The following ALK variants were observed in gnomAD, a reference collection of about 807,000 sequenced individuals.
ALK encodes ALK tyrosine kinase receptor.
Under a neutral mutation model 163.1 loss-of-function variants are expected in ALK, and 74 were observed. The ratio of observed to expected loss-of-function variants is 0.45; its 90% CI spans 0.38 to 0.55. ALK has a LOEUF of 0.55. ALK is among the 20% of genes least tolerant of loss of function. The pLI, the probability that ALK is intolerant of heterozygous loss-of-function variation, is 0.00. For missense variants in ALK, 2,063 were observed against 2,105.3 expected, an observed-to-expected ratio of 0.98 and a Z score of 0.39; for synonymous variants, 960 against 843.2, an observed-to-expected ratio of 1.14 and a Z score of -2.40.
chr2:29,559,892 C>T (rs1272030967), intron 3 of ALK, among the ~76,000 whole-genome samples: 1 of 151,916 alleles, frequency 6.6e-6, no homozygotes, highest in African/African-American at 2.4e-5. Context: ...CCATAGTGAC[C>T]TCAGCCCCAC....
chr2:29,712,023 T>C (rs1679119230), intron 2 of ALK, among the ~76,000 whole-genome samples: 1 of 152,232 alleles, frequency 6.6e-6, no homozygotes, highest in African/African-American at 2.4e-5. Flanking sequence ...ATTGTTCATA[T>C]TTATGAATGG....
intron 3 of ALK, among the ~76,000 whole-genome samples, chr2:29,608,190 TC>T (rs1675593160): frequency 6.6e-6 from 1 of 152,210 alleles, no homozygotes; most frequent in African/African-American, 2.4e-5. Context: ...CTCCCAGTGC[TC>T]CCTTGCCATG....
At chr2:29,336,616 G>GTGAGTGAA (rs1322897213) in intron 5 of ALK, among the ~76,000 whole-genome samples, 1 of 152,210 alleles carries the variant, frequency 6.6e-6, no homozygotes, top group Non-Finnish European at 1.5e-5. Context: ...TGAGAATGAT[G>GTGAGTGAA]CCTCTTCCCT....
chr2:29,450,328 A>G (rs1430604703), intron 4 of ALK, among the ~76,000 whole-genome samples: 1 of 152,152 alleles, frequency 6.6e-6, no homozygotes, highest in Non-Finnish European at 1.5e-5. Flanking sequence ...AATGATGCCA[A>G]TTCAGAGGGT....
chr2:29,505,473 T>G (rs576132430), intron 4 of ALK, among the ~76,000 whole-genome samples: 1 of 152,298 alleles, frequency 6.6e-6, no homozygotes, highest in South Asian at 2.1e-4. Flanking sequence ...CTAGATGTCC[T>G]GAATATCTCC....
In ALK at chr2:29,227,234, G is replaced by A. The variant is rs761084596; in HGVS notation, c.2915-160C>T. Among the ~76,000 whole-genome samples the A allele has an allele frequency of 4.6e-5, 7 of 152,158 alleles. No homozygotes were observed. The highest frequency in any genetic ancestry group is 8.8e-5 in the Non-Finnish European group (6 of 68,028). On this transcript the variant is annotated intron_variant, in intron 17 of 28. Transcript: ENST00000389048. This position sits in a 1 kb window ranked among gnomAD's most constrained non-coding sequence, Gnocchi z 4.4. ...CAACTGTGTAGAAGAGTCTTCCTGT[G>A]CATATAGAGAGTGCAGCGGAGGCAG... is the stretch of plus-strand genomic sequence containing the variant.
At chr2:29,242,074 G>C (rs1159400607) in intron 12 of ALK, among the ~76,000 whole-genome samples, 2 of 152,180 alleles carry the variant, frequency 1.3e-5, no homozygotes, top group Admixed American at 1.3e-4. Flanking sequence ...AAAAGGCTGA[G>C]AAAAAGGAAG....
intron 1 of ALK, among the ~76,000 whole-genome samples, chr2:29,912,893 T>C (rs1667743403): frequency 6.6e-6 from 1 of 152,090 alleles, no homozygotes; most frequent in Admixed American, 6.5e-5. Flanking sequence ...CCTCATGAAC[T>C]CACATTCCAA....
intron 3 of ALK, among the ~76,000 whole-genome samples, chr2:29,611,202 T>G (rs973627601): frequency 6.6e-6 from 1 of 152,140 alleles, no homozygotes; most frequent in African/African-American, 2.4e-5. Context: ...ACAGACAGCA[T>G]CTTGGCCAGA....
chr2:29,269,538 G>A (rs1055233861), intron 11 of ALK, among the ~76,000 whole-genome samples: 1 of 152,166 alleles, frequency 6.6e-6, no homozygotes, highest in Non-Finnish European at 1.5e-5. Context: ...AATGAATAGT[G>A]ACATTCTAAT....
intron 5 of ALK, among the ~76,000 whole-genome samples, chr2:29,366,575 A>T (rs552410342): frequency 6.6e-6 from 1 of 152,170 alleles, no homozygotes; most frequent in South Asian, 2.1e-4. Context: ...GGACCTAATG[A>T]CCTGCCAGCA....
chr2:29,256,340 G>C (rs890216181), intron 11 of ALK, among the ~76,000 whole-genome samples: 1 of 152,124 alleles, frequency 6.6e-6, no homozygotes, highest in Non-Finnish European at 1.5e-5. Context: ...AGTGTTTACT[G>C]TGCACCTAAT....
At chr2:29,232,922 T>A (rs1334332826) in intron 14 of ALK, among the ~76,000 whole-genome samples, 3 of 152,170 alleles carry the variant, frequency 2.0e-5, no homozygotes, top group Non-Finnish European at 4.4e-5. Flanking sequence ...AGGTGGCCTC[T>A]GTCTTCAGTT....
rs1678504929 is a variant in ALK, at chr2:29,694,858, A to G, written c.944T>C (p.Met315Thr). 2 of 1,613,768 alleles carry G rather than the reference A, an allele frequency of 1.2e-6. No homozygotes were observed. Among genetic ancestry groups the G allele is most frequent in the Middle Eastern group, 3.4e-4 (2 of 5,880 alleles). The change falls in exon 3 of 29, where the codon ATG becomes ACG. Residue 315 changes from methionine (M) to threonine (T), a missense_variant. By Grantham distance (81) the Met-to-Thr change is moderately conservative. This residue lies in a region of ALK where 987 missense variants were observed against 939.5 expected (regional missense o/e 1.05). Transcript: ENST00000389048. ...DGPGAERSKEMPRGSFLLLNT... is the reference protein window; with the variant it reads ...DGPGAERSKETPRGSFLLLNT... ...AGCAGCCTCTCCCTTACCTCTGGGC[A>G]TCTCCTTAGAACGCTCTGCCCCAGG...
At chr2:29,582,546 G>A in intron 3 of ALK, among the ~76,000 whole-genome samples, 1 of 152,160 alleles carries the variant, frequency 6.6e-6, no homozygotes. Context: ...GGCTTCTGCG[G>A]GGCATTTGCA....
At position 29,392,361 on chromosome 2, in the gene ALK, T is replaced by G. The variant is rs55731984; in HGVS notation, c.1155-8502A>C. ...AAAACTCTGGCACTTCCTACTATAA[T>G]GCACATAGGTTTAGATGTATGCCAA... On this transcript the variant is annotated intron_variant, in intron 4 of 28. Coordinates refer to ENST00000389048, the MANE Select transcript of ALK (RefSeq NM_004304.5). 0.31 allele frequency among the ~76,000 whole-genome samples: 47,081 copies of G among 152,170 alleles called. 7,850 individuals carry two copies. The highest frequency in any genetic ancestry group is 0.37 in the Non-Finnish European group (25,410 of 67,990).
chr2:29,384,731 G>T (rs1042220571), intron 4 of ALK, among the ~76,000 whole-genome samples: 1 of 151,980 alleles, frequency 6.6e-6, no homozygotes, highest in African/African-American at 2.4e-5. Context: ...TAGATTATTT[G>T]ATATTTTCTT....
intron 3 of ALK, among the ~76,000 whole-genome samples, chr2:29,649,197 TGAGA>T (rs1380189013): frequency 6.7e-6 from 1 of 148,972 alleles, no homozygotes; most frequent in Non-Finnish European, 1.5e-5. Context: ...TGTGTGTGTG[TGAGA>T]GAGAGTGTGT....
chr2:29,847,701 A>G (rs1027807639), intron 1 of ALK, among the ~76,000 whole-genome samples: 1 of 151,814 alleles, frequency 6.6e-6, no homozygotes, highest in Non-Finnish European at 1.5e-5. Flanking sequence ...AATGGCATTC[A>G]TTCATTCATT....
Sources: gnomAD v4.1 joint callset for allele counts (sites outside exome capture counted in the v4.1 genomes callset) on GRCh38, gnomAD v4.1.1 for gene constraint, gnomAD v4.1.1 regional missense constraint, Gnocchi (gnomAD v3.1) non-coding constraint, MANE v1.5 for transcripts, NCBI Gene and HGNC (gene_info 2026-07-23, HGNC 2026-07-21) for gene names.